The following AFDN variants were observed in gnomAD, a reference collection of about 807,000 sequenced individuals.
The protein encoded by AFDN is afadin, adherens junction formation factor.
AFDN carries 68 observed loss-of-function variants against 216.6 expected under a neutral mutation model. That is an observed-to-expected ratio of 0.31 (90% CI 0.26 to 0.38). AFDN has a LOEUF of 0.38. Among genes scored for constraint, AFDN ranks in the 10% least tolerant of loss-of-function variants. The pLI is 1.00. For synonymous variants in AFDN, 868 were observed against 853.7 expected, an observed-to-expected ratio of 1.02 and a Z score of -0.29; for missense variants, 2,136 against 2,342.0, an observed-to-expected ratio of 0.91 and a Z score of 1.82.
At chr6:167,921,118 C>A (rs144195563) in intron 21 of AFDN, among the ~76,000 whole-genome samples, 1 of 152,332 alleles carries the variant, frequency 6.6e-6, no homozygotes, top group African/African-American at 2.4e-5. Flanking sequence ...ATAATTAATA[C>A]CTTGCAAATA....
intron 7 of AFDN, among the ~76,000 whole-genome samples, chr6:167,889,862 C>T (rs976894029): frequency 1.1e-4 from 16 of 152,186 alleles, no homozygotes; most frequent in African/African-American, 3.6e-4. Context: ...TAGTAGAAAA[C>T]ACATTTCATG....
Position 167,911,558 on chromosome 6 carries a change from G to C in AFDN, c.2037+69G>C, listed in dbSNP as rs139758396. On this transcript the variant is annotated intron_variant, in intron 15 of 33. Coordinates refer to ENST00000683244, the MANE Select transcript of AFDN (RefSeq NM_001386888.1). ...TGTAATTGCTAAGCCAGTGAATTCA[G>C]CTTCTTTAAGGCTTCTCATTTGGTT... 1.8e-3 allele frequency: 2,499 copies of C among 1,376,998 alleles called. 4 individuals carry two copies. Among genetic ancestry groups the C allele is most frequent in the Non-Finnish European group, 2.4e-3 (2,290 of 973,820 alleles). 85.3% of individuals were successfully genotyped at this position (1,376,998 alleles called of 1,614,324 possible). A position where few individuals can be genotyped will look rare whatever the true frequency, so the allele number is the denominator to read the frequency against.
At chr6:167,920,233 C>T (rs903056687) in intron 21 of AFDN, among the ~76,000 whole-genome samples, 5 of 152,002 alleles carry the variant, frequency 3.3e-5, no homozygotes, top group South Asian at 2.1e-4. Context: ...GCACCTGTGA[C>T]GAGGTTGGGG....
In AFDN at chr6:167,970,596, C is replaced by G; in HGVS notation, c.*661C>G. The G allele has an allele frequency of 4.7e-6, 1 of 210,828 alleles. No homozygotes were observed. The highest frequency in any genetic ancestry group is 7.2e-5 in the East Asian group (1 of 13,916). 13.1% of individuals were successfully genotyped at this position (210,828 alleles called of 1,614,324 possible). ...CAAATTTGAGCTCTTCTGATCAATTCTAAATATTTGATTAATTTTAATTCT... is the reference window on the plus strand; with the variant it reads ...CAAATTTGAGCTCTTCTGATCAATTGTAAATATTTGATTAATTTTAATTCT... On this transcript the variant is annotated 3_prime_UTR_variant, in exon 34 of 34. Transcript: ENST00000683244.
chr6:167,898,913 T>C (rs1562634657), intron 11 of AFDN, among the ~76,000 whole-genome samples: 1 of 152,232 alleles, frequency 6.6e-6, no homozygotes, highest in Non-Finnish European at 1.5e-5. Context: ...ATTGTGGGCT[T>C]AGTAAGGGAA....
In AFDN at chr6:167,948,347, A is replaced by G. The variant is rs1039140568; in HGVS notation, c.3700A>G (p.Thr1234Ala). ...CTACCCCATCCCCACTCAGACGTAC[A>G]CCAGAGAGTATTTTACCTTCCCAGC... Reference protein sequence around the residue: ...EAYPIPTQTYTREYFTFPASK... With the variant: ...EAYPIPTQTYAREYFTFPASK... The change falls in exon 29 of 34, where the codon ACC (threonine) becomes GCC (alanine). Residue 1234 changes from threonine to alanine, a missense_variant. By Grantham distance (58) the Thr-to-Ala change is moderately conservative. This residue lies in a region of AFDN where 981 missense variants were observed against 966.0 expected (regional missense o/e 1.02). Coordinates refer to ENST00000683244, the MANE Select transcript of AFDN (RefSeq NM_001386888.1). 1.2e-6 allele frequency: 2 copies of G among 1,614,000 alleles called. No homozygotes were observed. Among genetic ancestry groups the G allele is most frequent in the African/African-American group, 2.7e-5 (2 of 74,924 alleles).
At chr6:167,944,499 C>T (rs900180643) in intron 26 of AFDN, among the ~76,000 whole-genome samples, 4 of 152,152 alleles carry the variant, frequency 2.6e-5, no homozygotes, top group African/African-American at 9.7e-5. Flanking sequence ...AAATAGGCAT[C>T]TATTTGTATA....
intron 26 of AFDN, among the ~76,000 whole-genome samples, chr6:167,946,299 C>T (rs922937935): frequency 6.6e-6 from 1 of 152,180 alleles, no homozygotes; most frequent in East Asian, 1.9e-4. Flanking sequence ...CAGAAGCGGC[C>T]GCCAGGAGCG....
intron 4 of AFDN, among the ~76,000 whole-genome samples, chr6:167,873,273 T>C (rs1784981088): frequency 6.6e-6 from 1 of 152,256 alleles, no homozygotes; most frequent in Admixed American, 6.5e-5. Context: ...TAAATGTTTC[T>C]ATTTCATATA....
At chr6:167,837,153 T>G (rs908017900) in intron 1 of AFDN, among the ~76,000 whole-genome samples, 1 of 152,170 alleles carries the variant, frequency 6.6e-6, no homozygotes, top group Non-Finnish European at 1.5e-5. Context: ...AGGAAAAACA[T>G]TAAAAAATAT....
chr6:167,885,461 A>G (rs2128314258), intron 6 of AFDN, among the ~76,000 whole-genome samples: 1 of 152,274 alleles, frequency 6.6e-6, no homozygotes, highest in Middle Eastern at 3.4e-3. Flanking sequence ...AATTGGCCTA[A>G]TTTCAATGTT....
At chr6:167,898,736 C>T (rs1469996357) in intron 11 of AFDN, among the ~76,000 whole-genome samples, 1 of 151,996 alleles carries the variant, frequency 6.6e-6, no homozygotes, top group East Asian at 1.9e-4. Context: ...AAAACAGTAC[C>T]TTTTCTTTTG....
intron 1 of AFDN, among the ~76,000 whole-genome samples, chr6:167,829,177 A>G (rs1429185589): frequency 2.6e-5 from 4 of 152,168 alleles, no homozygotes; most frequent in Non-Finnish European, 5.9e-5. Context: ...ATTGTATTAG[A>G]AGCCTTTCAT....
intron 1 of AFDN, among the ~76,000 whole-genome samples, chr6:167,840,549 G>GCTCCAGCTA (rs1187011016): frequency 1.3e-5 from 2 of 152,244 alleles, no homozygotes; most frequent in East Asian, 3.8e-4. Flanking sequence ...CTAGATCAGA[G>GCTCCAGCTA]CTCCAGCTAC....
In AFDN at chr6:167,869,951, C is replaced by T. The variant is rs148690196; in HGVS notation, c.302-435C>T. Among the ~76,000 whole-genome samples the T allele has an allele frequency of 8.5e-3, 1,300 of 152,096 alleles. 29 individuals carry two copies. The highest frequency in any genetic ancestry group is 0.03 in the African/African-American group (1,236 of 41,490). On this transcript the variant is annotated intron_variant, in intron 2 of 33. Transcript: ENST00000683244. ...AGACTGGTGAGGGCTGCTGCCATCG[C>T]TTTGTGTGGGGTATAACATTAATGT...
intron 12 of AFDN, among the ~76,000 whole-genome samples, chr6:167,903,823 ACTGT>A (rs1300430908): frequency 6.6e-6 from 1 of 152,024 alleles, no homozygotes; most frequent in Non-Finnish European, 1.5e-5. Context: ...CTCCACAGGG[ACTGT>A]CTGTCAGGGG....
chr6:167,865,205 A>G (rs1784040061), intron 2 of AFDN, among the ~76,000 whole-genome samples: 1 of 152,148 alleles, frequency 6.6e-6, no homozygotes, highest in Non-Finnish European at 1.5e-5. Context: ...TTCTTTGGGA[A>G]TAATTTAGGG....
intron 1 of AFDN, among the ~76,000 whole-genome samples, chr6:167,861,586 GTAATTTA>G (rs1383382599): frequency 6.6e-6 from 1 of 152,158 alleles, no homozygotes; most frequent in South Asian, 2.1e-4. Flanking sequence ...GTGAAGGGCA[GTAATTTA>G]TATGTAAGGA....
At chr6:167,869,842 A>AGAGG (rs1216274292) in intron 2 of AFDN, among the ~76,000 whole-genome samples, 4 of 152,212 alleles carry the variant, frequency 2.6e-5, no homozygotes, top group African/African-American at 9.7e-5. Context: ...GGTGGAAGGG[A>AGAGG]GAGGTAAGTG....
Sources: allele counts gnomAD v4.1 joint callset (sites outside exome capture counted in the v4.1 genomes callset), GRCh38; gene constraint gnomAD v4.1.1; regional missense constraint gnomAD v4.1.1; transcripts MANE v1.5; gene names NCBI Gene and HGNC (gene_info 2026-07-23, HGNC 2026-07-21).